The following PLXDC2 variants were observed in gnomAD, a reference collection of about 807,000 sequenced individuals.
PLXDC2 encodes the protein plexin domain-containing protein 2.
PLXDC2 carries 40 observed loss-of-function variants against 68.9 expected under a neutral mutation model. That is an observed-to-expected ratio of 0.58 (90% CI 0.45 to 0.76). The LOEUF is 0.76. PLXDC2 is among the 30% of genes least tolerant of loss of function. PLXDC2 has a pLI of 0.00. For synonymous variants in PLXDC2, 243 were observed against 234.2 expected, an observed-to-expected ratio of 1.04 and a Z score of -0.34; for missense variants, 644 against 661.9, an observed-to-expected ratio of 0.97 and a Z score of 0.30.
At chr10:19,953,118 G>C (rs1194192497) in intron 1 of PLXDC2, among the ~76,000 whole-genome samples, 2 of 152,090 alleles carry the variant, frequency 1.3e-5, no homozygotes, top group Non-Finnish European at 2.9e-5. Context: ...CACCCACCTA[G>C]GTGTGTAAAC....
chr10:19,844,730 G>A (rs537131592), intron 1 of PLXDC2, among the ~76,000 whole-genome samples: 153 of 151,892 alleles, frequency 1.0e-3, no homozygotes, highest in Middle Eastern at 3.4e-3. Context: ...TGAGTAGCTG[G>A]GACTACAGGC....
At position 20,283,284 on chromosome 10, in the gene PLXDC2, A is replaced by G. The variant is rs1428442787; in HGVS notation, c.*3465A>G. 3 of 152,164 alleles carry G rather than the reference A, an allele frequency of 2.0e-5. No homozygotes were observed. The highest frequency in any genetic ancestry group is 4.8e-5 in the African/African-American group (2 of 41,450). The allele number at this position is 152,164 out of a possible 1,614,324, so 9.4% of individuals were successfully genotyped here. ...AATCACTTCAACCTCCTTGAGTCTC[A>G]ATTTGCAATTTTGGAAAAGAAAAAC... On this transcript the variant is annotated 3_prime_UTR_variant, in exon 14 of 14. Coordinates refer to ENST00000377252, the MANE Select transcript of PLXDC2 (RefSeq NM_032812.9).
Position 20,116,657 on chromosome 10 carries a change from A to G in PLXDC2, c.542-26638A>G, listed in dbSNP as rs536471867. ...TACCTACAGATTGGTGGCTTGAAAG[A>G]AATGTACCTGTTTCTCTCCAAAGTG... On this transcript the variant is annotated intron_variant, in intron 4 of 13. Transcript: ENST00000377252. 4.0e-4 allele frequency among the ~76,000 whole-genome samples: 61 copies of G among 152,344 alleles called. No individual in the cohort carries two copies. The Middle Eastern group carries it at 0.014, about 34-fold the overall frequency.
At chr10:20,218,471 T>C (rs949892147) in intron 11 of PLXDC2, among the ~76,000 whole-genome samples, 2 of 152,184 alleles carry the variant, frequency 1.3e-5, no homozygotes, top group Admixed American at 6.5e-5. Context: ...TGGATTATTA[T>C]ATTAAAGTCC....
chr10:19,981,627 T>C (rs969484388), intron 1 of PLXDC2, among the ~76,000 whole-genome samples: 1 of 152,188 alleles, frequency 6.6e-6, no homozygotes, highest in African/African-American at 2.4e-5. Flanking sequence ...TGGGTCAAGA[T>C]GGAGTTTCAC....
intron 1 of PLXDC2, among the ~76,000 whole-genome samples, chr10:19,925,567 G>A (rs1020054683): frequency 6.6e-6 from 1 of 152,202 alleles, no homozygotes; most frequent in African/African-American, 2.4e-5. Flanking sequence ...AATCTCAGAT[G>A]GAAAATAAAA....
chr10:20,258,862 G>C (rs1264966650), intron 13 of PLXDC2, among the ~76,000 whole-genome samples: 1 of 152,054 alleles, frequency 6.6e-6, no homozygotes, highest in Non-Finnish European at 1.5e-5. Flanking sequence ...GAAAAAATTA[G>C]CCGGGCGTGG....
At chr10:19,951,557 T>G (rs1564637416) in intron 1 of PLXDC2, among the ~76,000 whole-genome samples, 1 of 152,224 alleles carries the variant, frequency 6.6e-6, no homozygotes. Context: ...TTGGTGGGAA[T>G]ATAAGTTAGT....
At chr10:19,860,010 G>C (rs12098815) in intron 1 of PLXDC2, among the ~76,000 whole-genome samples, 21,649 of 152,130 alleles carry the variant, frequency 0.14, 2,741 homozygotes, top group African/African-American at 0.34. Context: ...GATTACAGAC[G>C]TGAGCCACTG....
At chr10:20,116,317 T>C (rs930319762) in intron 4 of PLXDC2, among the ~76,000 whole-genome samples, 23 of 152,228 alleles carry the variant, frequency 1.5e-4, no homozygotes, top group Non-Finnish European at 1.2e-4. Flanking sequence ...CTTTTTCTCT[T>C]GGTTGCACCA....
At chr10:20,189,502 T>TATATATATAC (rs1347881382) in intron 9 of PLXDC2, among the ~76,000 whole-genome samples, 1 of 123,022 alleles carries the variant, frequency 8.1e-6, no homozygotes, top group African/African-American at 2.9e-5. Flanking sequence ...TATATATATA[T>TATATATATAC]ATACACATAC....
intron 1 of PLXDC2, among the ~76,000 whole-genome samples, chr10:19,888,864 A>G (rs1157997710): frequency 6.6e-6 from 1 of 152,150 alleles, no homozygotes; most frequent in Non-Finnish European, 1.5e-5. Flanking sequence ...GTATTATCTG[A>G]GTATATAGAA....
In PLXDC2 at chr10:20,145,700, C is replaced by T. The variant is rs745944222; in HGVS notation, c.665-2084C>T. ...GAGTAGCTGGGACTACAGGCGCCCA[C>T]CACCACGCCCGGCTAATTTTTTAAT... On this transcript the variant is annotated intron_variant, in intron 5 of 13. Coordinates refer to ENST00000377252, the MANE Select transcript of PLXDC2 (RefSeq NM_032812.9). 2.6e-4 allele frequency among the ~76,000 whole-genome samples: 39 copies of T among 152,184 alleles called. No individual in the cohort carries two copies. In the Middle Eastern group the frequency reaches 0.014, roughly 53 times the overall value.
chr10:19,865,838 G>C (rs1336587491), intron 1 of PLXDC2, among the ~76,000 whole-genome samples: 3 of 152,182 alleles, frequency 2.0e-5, no homozygotes, highest in Non-Finnish European at 4.4e-5. Context: ...ACTTCCAGCT[G>C]CCTGACACAT....
intron 2 of PLXDC2, among the ~76,000 whole-genome samples, chr10:20,044,274 TTTCTTTC>T (rs1307665384): frequency 7.8e-6 from 1 of 128,782 alleles, no homozygotes; most frequent in Non-Finnish European, 1.6e-5. Flanking sequence ...TCTTTCTTTC[TTTCTTTC>T]TTTCTTTCTT....
At chr10:20,167,765 G>C (rs1236658005) in intron 7 of PLXDC2, among the ~76,000 whole-genome samples, 2 of 152,078 alleles carry the variant, frequency 1.3e-5, no homozygotes, top group African/African-American at 4.8e-5. Flanking sequence ...GGGAATGTGA[G>C]CTCAAGCCTG....
rs186812824 is a variant in PLXDC2 at position 20,280,619 on chromosome 10, C to G, written c.*800C>G. 157 of 152,186 alleles carry G rather than the reference C, an allele frequency of 1.0e-3. No homozygotes were observed. Among genetic ancestry groups the G allele is most frequent in the African/African-American group, 3.6e-3 (148 of 41,548 alleles). 9.4% of individuals were successfully genotyped at this position (152,186 alleles called of 1,614,324 possible). On this transcript the variant is annotated 3_prime_UTR_variant, in exon 14 of 14. Coordinates refer to ENST00000377252, the MANE Select transcript of PLXDC2 (RefSeq NM_032812.9). ...ACATCTGATTTATGCTTTATGGAAG[C>G]CTTACCTCCAATCCCCAACTGTTAA...
At chr10:20,033,951 A>G (rs903338505) in intron 2 of PLXDC2, among the ~76,000 whole-genome samples, 1 of 152,220 alleles carries the variant, frequency 6.6e-6, no homozygotes, top group Non-Finnish European at 1.5e-5. Flanking sequence ...AAACTAAGAT[A>G]ATATGAAATC....
chr10:20,270,758 G>GTAA (rs1835927823), intron 13 of PLXDC2, among the ~76,000 whole-genome samples: 1 of 151,718 alleles, frequency 6.6e-6, no homozygotes, highest in African/African-American at 2.4e-5. Flanking sequence ...TTGGCCTCAG[G>GTAA]TAATCTGCCT....
Sources: allele counts gnomAD v4.1 joint callset (sites outside exome capture counted in the v4.1 genomes callset), GRCh38; gene constraint gnomAD v4.1.1; transcripts MANE v1.5; gene names NCBI Gene and HGNC (gene_info 2026-07-23, HGNC 2026-07-21).